The following RNF169 variants were observed in gnomAD, a reference collection of about 807,000 sequenced individuals.
RNF169 encodes the protein ring finger protein 169.
In RNF169, 24 loss-of-function variants were observed where a neutral mutation model predicts 53.9. That is an observed-to-expected ratio of 0.45 (90% CI 0.32 to 0.63). The LOEUF (loss-of-function observed/expected upper bound fraction) is 0.63, where lower values mean the gene tolerates loss of function less well. Among genes scored for constraint, RNF169 ranks in the 20% least tolerant of loss-of-function variants. The pLI is 0.04. For missense variants in RNF169, 883 were observed against 906.2 expected, an observed-to-expected ratio of 0.97 and a Z score of 0.33; for synonymous variants, 396 against 363.5, an observed-to-expected ratio of 1.09 and a Z score of -1.02.
intron 2 of RNF169, chr11:74,807,825 A>C (rs1190968802): frequency 2.0e-5 from 3 of 152,176 alleles, no homozygotes; most frequent in Non-Finnish European, 4.4e-5. Flanking sequence ...TCTTCTAGAG[A>C]CCAAGTTCTC....
At chr11:74,794,630 A>T (rs953812630) in intron 2 of RNF169, among the ~76,000 whole-genome samples, 1 of 152,150 alleles carries the variant, frequency 6.6e-6, no homozygotes. Context: ...GTATTTAAGG[A>T]GGAGGTGAAG....
rs2036284012 is a variant in RNF169, at chr11:74,838,080, GT to G, written c.*1355del. On this transcript the variant is annotated 3_prime_UTR_variant, in exon 6 of 6. Transcript: ENST00000299563. ...AGTAGCCCCAGCAGGATACTGCTTA[GT>G]TTTTCCAGTGCCATTGGTGAAAGCA... is the stretch of plus-strand genomic sequence containing the variant. 2 of 152,178 alleles carry G rather than the reference GT, an allele frequency of 1.3e-5. No individual in the cohort carries two copies. The highest frequency in any genetic ancestry group is 4.8e-5 in the African/African-American group (2 of 41,446). The allele number at this position is 152,178 out of a possible 1,614,324, so 9.4% of individuals were successfully genotyped here.
At chr11:74,779,858 C>CT (rs1274887188) in intron 1 of RNF169, among the ~76,000 whole-genome samples, 3 of 151,714 alleles carry the variant, frequency 2.0e-5, no homozygotes, top group Non-Finnish European at 2.9e-5. Context: ...TGATTGGCTG[C>CT]TTTTTTTTGG....
chr11:74,756,082 A>T (rs1018961082), intron 1 of RNF169, among the ~76,000 whole-genome samples: 1 of 152,172 alleles, frequency 6.6e-6, no homozygotes, highest in African/African-American at 2.4e-5. Context: ...GCCTGGACTA[A>T]AGCATTGGCT....
chr11:74,830,222 T>C (rs1591433085), intron 4 of RNF169, among the ~76,000 whole-genome samples: 1 of 151,908 alleles, frequency 6.6e-6, no homozygotes, highest in Non-Finnish European at 1.5e-5. Flanking sequence ...AACAGTAGAA[T>C]GAATGAAACC....
intron 5 of RNF169, 151 bp downstream of exon 5, chr11:74,834,926 A>G: frequency 1.8e-6 from 1 of 556,800 alleles, no homozygotes; most frequent in Non-Finnish European, 3.2e-6. Flanking sequence ...ACAGATGTGA[A>G]GGAAGAAAGT....
At chr11:74,760,447 C>T (rs1209708644) in intron 1 of RNF169, among the ~76,000 whole-genome samples, 7 of 152,142 alleles carry the variant, frequency 4.6e-5, no homozygotes, top group East Asian at 1.9e-4. Context: ...TGTGGGCATT[C>T]AGTGCTATAA....
At chr11:74,828,697 CAACCATAT>C (rs1380253684) in intron 4 of RNF169, among the ~76,000 whole-genome samples, 2 of 152,162 alleles carry the variant, frequency 1.3e-5, no homozygotes, top group Non-Finnish European at 2.9e-5. Flanking sequence ...CACATACCTA[CAACCATAT>C]GATCTTAGAT....
At chr11:74,784,463 G>T (rs76255152) in intron 1 of RNF169, among the ~76,000 whole-genome samples, 3,455 of 152,266 alleles carry the variant, frequency 0.023, 148 homozygotes, top group African/African-American at 0.079. Context: ...TCAGTAGAGG[G>T]AGAAGGTGTG....
chr11:74,831,802 T>C (rs1565188508), intron 4 of RNF169: 2 of 151,820 alleles, frequency 1.3e-5, no homozygotes, highest in Non-Finnish European at 2.9e-5. Context: ...AGGGTAGACA[T>C]GTAAATCCAT....
rs1364666530 is a variant in RNF169, at chr11:74,836,447, T to C, written c.1844T>C (p.Leu615Pro). 3 of 1,614,098 alleles carry C rather than the reference T, an allele frequency of 1.9e-6. No homozygotes were observed. In the African/African-American group the frequency reaches 4.0e-5, roughly 22 times the overall value. The change falls in exon 6 of 6, where the codon CTT (leucine) becomes CCT (proline). Residue 615 changes from leucine (L) to proline (P), a missense_variant. Coordinates refer to ENST00000299563, the MANE Select transcript of RNF169 (RefSeq NM_001098638.2). ...VLVESLSEEP[L>P]PSLRRGRKRH... ...GTTGAGAGCCTAAGTGAAGAGCCACTTCCTTCTTTGCGTCGAGGCCGGAAA... is the reference window on the plus strand; with the variant it reads ...GTTGAGAGCCTAAGTGAAGAGCCACCTCCTTCTTTGCGTCGAGGCCGGAAA...
intron 1 of RNF169, among the ~76,000 whole-genome samples, chr11:74,750,851 C>T (rs2034879359): frequency 2.1e-5 from 3 of 145,722 alleles, no homozygotes; most frequent in African/African-American, 7.6e-5. Flanking sequence ...ATCCGCCCGC[C>T]TTGGCCTCCC....
chr11:74,795,624 A>C (rs1282231721), intron 2 of RNF169, among the ~76,000 whole-genome samples: 1 of 152,158 alleles, frequency 6.6e-6, no homozygotes, highest in East Asian at 1.9e-4. Flanking sequence ...ACTTTGGGAG[A>C]CTGAGGCAGG....
chr11:74,832,013 A>C (rs1339995356), intron 4 of RNF169: 1 of 152,204 alleles, frequency 6.6e-6, no homozygotes, highest in Non-Finnish European at 1.5e-5. Context: ...TGGATCAGAG[A>C]CCTAAATGTA....
intron 2 of RNF169, among the ~76,000 whole-genome samples, chr11:74,795,097 C>T (rs1036913671): frequency 2.6e-5 from 4 of 151,856 alleles, no homozygotes; most frequent in Admixed American, 6.6e-5. Flanking sequence ...TGAGCCACCA[C>T]GCTTGGCCGG....
intron 1 of RNF169, among the ~76,000 whole-genome samples, chr11:74,770,868 C>T (rs1318288179): frequency 1.2e-4 from 18 of 152,044 alleles, no homozygotes; most frequent in Admixed American, 5.9e-4. Flanking sequence ...TGCAGTGGCA[C>T]GATCTCAGCT....
At chr11:74,777,483 T>A (rs1333152323) in intron 1 of RNF169, among the ~76,000 whole-genome samples, 2 of 152,146 alleles carry the variant, frequency 1.3e-5, no homozygotes, top group Non-Finnish European at 2.9e-5. Context: ...TTCTGTGACC[T>A]CCTTTATCAT....
chr11:74,837,659 A>C lies in RNF169; in HGVS notation c.*929A>C, dbSNP rs1269208613. On this transcript the variant is annotated 3_prime_UTR_variant, in exon 6 of 6. Transcript: ENST00000299563. ...TCAGCCTATGAGACAAACTATAATC[A>C]GGCTTCATTATTACTTTTCAAATGG... is the stretch of plus-strand genomic sequence containing the variant. 1 of 152,258 alleles carries C rather than the reference A, an allele frequency of 6.6e-6. No homozygotes were observed. Among genetic ancestry groups the C allele is most frequent in the Admixed American group, 6.5e-5 (1 of 15,284 alleles). 9.4% of individuals were successfully genotyped at this position (152,258 alleles called of 1,614,324 possible). A position where few individuals can be genotyped will look rare whatever the true frequency, so the allele number is the denominator to read the frequency against.
intron 2 of RNF169, among the ~76,000 whole-genome samples, chr11:74,801,567 C>T (rs1211741658): frequency 6.6e-6 from 1 of 152,172 alleles, no homozygotes; most frequent in Non-Finnish European, 1.5e-5. Context: ...TCATGACCCC[C>T]ATATGAATTT....
Sources: allele counts gnomAD v4.1 joint callset (sites outside exome capture counted in the v4.1 genomes callset), GRCh38; gene constraint gnomAD v4.1.1; transcripts MANE v1.5; gene names NCBI Gene and HGNC (gene_info 2026-07-23, HGNC 2026-07-21).